SPEG: variants seen among roughly 807,000 people sequenced by gnomAD.
The protein encoded by SPEG is striated muscle enriched protein kinase.
SPEG carries 114 observed loss-of-function variants against 300.4 expected under a neutral mutation model. The ratio of observed to expected loss-of-function variants is 0.38; its 90% CI spans 0.33 to 0.44. The LOEUF (loss-of-function observed/expected upper bound fraction) is 0.44. Among genes scored for constraint, SPEG ranks in the 20% least tolerant of loss-of-function variants. The probability of loss-of-function intolerance (pLI) is 1.00; values close to 1 mark genes in which losing one functional copy is unlikely to be tolerated. For missense variants in SPEG, 4,201 were observed against 4,586.2 expected (o/e 0.92, Z 2.43); for synonymous variants, 1,964 against 2,018.9 (o/e 0.97, Z 0.73).
chr2:219,460,580 C>T (rs1690583371), intron 6 of SPEG: 1 of 985,450 alleles, frequency 1.0e-6, no homozygotes, highest in South Asian at 4.7e-5. Flanking sequence ...TTGTCAGGGT[C>T]TGAAGCTGTA....
At chr2:219,465,914 T>C (rs980535515) in intron 9 of SPEG, 42 of 677,384 alleles carry the variant, frequency 6.2e-5, no homozygotes, top group African/African-American at 3.2e-4. Context: ...TGTGCATGCG[T>C]GTGTGTGTGC....
Position 219,443,401 on chromosome 2 carries a change from G to C in SPEG, c.389-1252G>C. ...CTGGGTGCCCTGTTCTCCATGTGAG[G>C]CCTAATGGGAAGGAGTTCATTGCCA... On this transcript the variant is annotated intron_variant, in intron 1 of 40. Transcript: ENST00000312358. The surrounding 1 kb of genome is among the most constrained non-coding windows in gnomAD (Gnocchi z 4.6). 1 of 551,894 alleles carries C rather than the reference G, an allele frequency of 1.8e-6. No homozygotes were observed. The highest frequency in any genetic ancestry group is 3.2e-6 in the Non-Finnish European group (1 of 308,030). 34.2% of individuals were successfully genotyped at this position (551,894 alleles called of 1,614,324 possible).
rs768300296 is a variant in SPEG at position 219,489,857 on chromosome 2, C to G, written c.8839C>G (p.Arg2947Gly). ...GGTCAGCTCCCCTGGGAGCAGTCCCCGAAGCTCTCCCAGGCCTGAGGGTAC... is the reference window on the plus strand; with the variant it reads ...GGTCAGCTCCCCTGGGAGCAGTCCCGGAAGCTCTCCCAGGCCTGAGGGTAC... ...EVVSSPGSSP[R>G]SSPRPEGTTL... is the part of the protein sequence containing the mutation. The change falls in exon 36 of 41, where the codon CGA becomes GGA. Residue 2947 changes from arginine (R) to glycine (G), a missense_variant. This residue lies in a region of SPEG where 1,578 missense variants were observed against 1,506.0 expected (regional missense o/e 1.05). Coordinates refer to ENST00000312358, the MANE Select transcript of SPEG (RefSeq NM_005876.5). The G allele has an allele frequency of 9.3e-6, 15 of 1,612,050 alleles. No individual in the cohort carries two copies. Among genetic ancestry groups the G allele is most frequent in the Non-Finnish European group, 1.3e-5 (15 of 1,178,890 alleles).
chr2:219,449,535 T>C (rs1042997102), intron 4 of SPEG, among the ~76,000 whole-genome samples: 1 of 152,152 alleles, frequency 6.6e-6, no homozygotes, highest in African/African-American at 2.4e-5. Flanking sequence ...AGATGTGAGC[T>C]AAGACTGGTG....
At chr2:219,488,365 A>C in intron 32 of SPEG, 55 bp downstream of exon 32, 1 of 1,510,214 alleles carries the variant, frequency 6.6e-7, no homozygotes, top group Non-Finnish European at 9.1e-7. Flanking sequence ...CCCTGAGCCC[A>C]GGGGATGGGA....
chr2:219,443,227 G>T lies in SPEG; in HGVS notation c.389-1426G>T. On this transcript the variant is annotated intron_variant, in intron 1 of 40. Transcript: ENST00000312358. This position sits in a 1 kb window ranked among gnomAD's most constrained non-coding sequence, Gnocchi z 4.6. ...GGTCCCTGTCCCTCTGTGAGGCATCGAGTTCCTGAAGACAGCCCATGAGAT... is the reference window on the plus strand; with the variant it reads ...GGTCCCTGTCCCTCTGTGAGGCATCTAGTTCCTGAAGACAGCCCATGAGAT... The T allele has an allele frequency of 7.0e-7, 1 of 1,425,622 alleles. No individual in the cohort carries two copies. The highest frequency in any genetic ancestry group is 1.1e-5 in the South Asian group (1 of 87,324). 88.3% of individuals were successfully genotyped at this position (1,425,622 alleles called of 1,614,324 possible). A position where few individuals can be genotyped will look rare whatever the true frequency, so the allele number is the denominator to read the frequency against.
intron 6 of SPEG, chr2:219,460,727 G>A: frequency 1.0e-6 from 1 of 982,144 alleles, no homozygotes; most frequent in Non-Finnish European, 1.2e-6. Flanking sequence ...GTCTCGGCAG[G>A]CACCACCTTC....
chr2:219,485,439 A>G lies in SPEG; in HGVS notation c.7703A>G (p.Gln2568Arg), dbSNP rs766431335. ...LSPPNLSASV[Q>R]EELGHQYVRS... ...CCACCAAACCTCTCTGCCAGCGTCC[A>G]GGAGGAGTTGGGTCACCAGTACGTG... Residue 2568 changes from glutamine (Q) to arginine (R), a missense_variant, in exon 31 of 41, where the codon CAG becomes CGG. Gln to Arg is a conservative substitution (Grantham distance 43). Around this residue, in one of 4 missense-constraint regions of SPEG, gnomAD observed 1,578 missense variants for 1,506.0 expected, o/e 1.05. Transcript: ENST00000312358. The G allele has an allele frequency of 3.7e-6, 6 of 1,603,186 alleles. No individual in the cohort carries two copies. The highest frequency in any genetic ancestry group is 3.4e-5 in the Admixed American group (2 of 58,726).
At position 219,444,621 on chromosome 2, in the gene SPEG, G is replaced by GGAGGA; in HGVS notation, c.389-31_389-30insAGGAG. 6.3e-7 allele frequency: 1 copy of GGAGGA among 1,585,602 alleles called. No individual in the cohort carries two copies. Among genetic ancestry groups the GGAGGA allele is most frequent in the Non-Finnish European group, 8.7e-7 (1 of 1,154,570 alleles). On this transcript the variant is annotated intron_variant, in intron 1 of 40. Coordinates refer to ENST00000312358, the MANE Select transcript of SPEG (RefSeq NM_005876.5). This position sits in a 1 kb window ranked among gnomAD's most constrained non-coding sequence, Gnocchi z 7.8. Reference sequence around the variant, plus strand: ...GAAGAGTTGGAGGCAGAGGGAGGAGGGCCCTGCCCACACAGACCCCTTCTT... The same window carrying GGAGGA: ...GAAGAGTTGGAGGCAGAGGGAGGAGGGAGGAGCCCTGCCCACACAGACCCCTTCTT...
Position 219,489,151 on chromosome 2 carries a change from C to T in SPEG, c.8247C>T (p.Ala2749=). Residue 2749 remains alanine, a synonymous_variant, in exon 35 of 41, where the codon GCC becomes GCT. Transcript: ENST00000312358. ...GCGTGACTGTGAGGTTCCGTGTGGC[C>T]TGTGCCAACCGTGCTGGGCAGGGGC... The part of the protein sequence containing the change: ...PVGVTVRFRV[A]CANRAGQGPF... 7 of 1,614,018 alleles carry T rather than the reference C, an allele frequency of 4.3e-6. No individual in the cohort carries two copies. The highest frequency in any genetic ancestry group is 5.9e-6 in the Non-Finnish European group (7 of 1,179,968).
intron 38 of SPEG, 132 bp from the exon 39 acceptor site, chr2:219,491,662 C>T: frequency 1.4e-6 from 1 of 725,840 alleles, no homozygotes; most frequent in Non-Finnish European, 2.4e-6. Flanking sequence ...CCTTCAGGGC[C>T]TGCCACTCTG....
At position 219,484,994 on chromosome 2, in the gene SPEG, T is replaced by C. The variant is rs772842111; in HGVS notation, c.7531T>C (p.Leu2511=). ...GCGCCTTGGCCTTCCGCACAACCAG[T>C]TGGCCGCCCAGGCCGGCGCCACCAC... The part of the protein sequence containing the change: ...LRRLGLPHNQ[L]AAQAGATTPS... Residue 2511 remains leucine, a synonymous_variant, in exon 30 of 41, where the codon TTG becomes CTG. Coordinates refer to ENST00000312358, the MANE Select transcript of SPEG (RefSeq NM_005876.5). 7 of 1,530,934 alleles carry C rather than the reference T, an allele frequency of 4.6e-6. No homozygotes were observed. Among genetic ancestry groups the C allele is most frequent in the African/African-American group, 2.8e-5 (2 of 72,692 alleles). 94.8% of individuals were successfully genotyped at this position (1,530,934 alleles called of 1,614,324 possible).
rs1044571218 is a variant in SPEG, at chr2:219,445,568, A to G, written c.815+407A>G. The G allele has an allele frequency of 4.0e-6, 1 of 247,326 alleles. No individual in the cohort carries two copies. The highest frequency in any genetic ancestry group is 2.3e-5 in the African/African-American group (1 of 43,632). 15.3% of individuals were successfully genotyped at this position (247,326 alleles called of 1,614,324 possible). ...CTGCTGCCTTTTCATCTCTCTGCAC[A>G]TTCCTGTTCCCATGTGGGCCTTTTT... On this transcript the variant is annotated intron_variant, in intron 3 of 40. Coordinates refer to ENST00000312358, the MANE Select transcript of SPEG (RefSeq NM_005876.5). This position sits in a 1 kb window ranked among gnomAD's most constrained non-coding sequence, Gnocchi z 6.1.
rs777001978 is a variant in SPEG, at chr2:219,483,355, G to A, written c.5892G>A (p.Glu1964=). The A allele has an allele frequency of 1.9e-6, 3 of 1,604,462 alleles. No individual in the cohort carries two copies. In the East Asian group the frequency reaches 6.7e-5, roughly 36 times the overall value. ...PTEDEALGTP[E]TGAATPMDWQ... is the part of the protein sequence containing the mutation. ...AGGATGAGGCCCTGGGGACCCCAGA[G>A]ACTGGGGCTGCCACCCCCATGGACT... Residue 1964 remains glutamate, a synonymous_variant, in exon 30 of 41, where the codon GAG becomes GAA. Transcript: ENST00000312358.
chr2:219,486,215 A>T (rs1477829810), intron 31 of SPEG, among the ~76,000 whole-genome samples: 1 of 152,198 alleles, frequency 6.6e-6, no homozygotes, highest in African/African-American at 2.4e-5. Context: ...GGCATTCCCC[A>T]TGTGGGGTCA....
Position 219,459,846 on chromosome 2 carries a change from C to T in SPEG, c.2441-2036C>T, listed in dbSNP as rs1690499485. ...CAAGACAGCCAGCCTGAACCGTGGG[C>T]CCCTCCTCTGCCCGGCCCCCAGCCC... On this transcript the variant is annotated intron_variant, in intron 6 of 40. Coordinates refer to ENST00000312358, the MANE Select transcript of SPEG (RefSeq NM_005876.5). The surrounding 1 kb of genome is among the most constrained non-coding windows in gnomAD (Gnocchi z 4.9). 6.6e-6 allele frequency among the ~76,000 whole-genome samples: 1 copy of T among 152,214 alleles called. No individual in the cohort carries two copies. The highest frequency in any genetic ancestry group is 1.5e-5 in the Non-Finnish European group (1 of 68,034).
chr2:219,492,605 C>T lies in SPEG; in HGVS notation c.9623C>T (p.Ser3208Phe), dbSNP rs777098680. The T allele has an allele frequency of 3.1e-6, 5 of 1,609,426 alleles. No homozygotes were observed. Among genetic ancestry groups the T allele is most frequent in the Non-Finnish European group, 4.2e-6 (5 of 1,179,980 alleles). ...VLSVHPWSRP[S>F]LQDCLAHPWL... ...GCTCTGCCTGGCAGGAGCCGGCCCT[C>T]CCTGCAGGACTGCCTGGCCCACCCA... Residue 3208 changes from serine to phenylalanine, a missense_variant, in exon 41 of 41, where the codon TCC (serine) becomes TTC (phenylalanine). Physicochemically the swap from Ser to Phe is radical, Grantham distance 155. Around this residue, in one of 4 missense-constraint regions of SPEG, gnomAD observed 318 missense variants for 429.5 expected, o/e 0.74. Coordinates refer to ENST00000312358, the MANE Select transcript of SPEG (RefSeq NM_005876.5).
rs774365939 is a variant in SPEG, at chr2:219,483,229, G to C, written c.5766G>C (p.Ser1922=). 48 of 1,610,378 alleles carry C rather than the reference G, an allele frequency of 3.0e-5. No individual in the cohort carries two copies. Among genetic ancestry groups the C allele is most frequent in the South Asian group, 1.8e-4 (16 of 90,636 alleles). ...CCAGTGGGGGGCTCTCATCCTCCTC[G>C]GATTCTGAAGAGGAAGAGCTGGAAG... ...PPPSGGLSSS[S]DSEEEELEEL... is the part of the protein sequence containing the mutation. Residue 1922 remains serine, a synonymous_variant, in exon 30 of 41, where the codon TCG becomes TCC. Transcript: ENST00000312358.
rs750462636 is a variant in SPEG at position 219,483,954 on chromosome 2, C to G, written c.6491C>G (p.Ser2164Cys). 12 of 1,607,470 alleles carry G rather than the reference C, an allele frequency of 7.5e-6. No individual in the cohort carries two copies. The South Asian group carries it at 1.1e-4, about 15-fold the overall frequency. ...ARLGARRLQE[S>C]PSLSALSEAQ... ...CTTGGGGCCCGTAGGCTACAGGAGT[C>G]TCCTTCCCTGTCTGCCCTCAGCGAG... Residue 2164 changes from serine (S) to cysteine (C), a missense_variant, in exon 30 of 41, where the codon TCT (serine) becomes TGT (cysteine). Physicochemically the swap from Ser to Cys is moderately radical, Grantham distance 112. Coordinates refer to ENST00000312358, the MANE Select transcript of SPEG (RefSeq NM_005876.5).
Sources: allele counts gnomAD v4.1 joint callset (sites outside exome capture counted in the v4.1 genomes callset), GRCh38; gene constraint gnomAD v4.1.1; regional missense constraint gnomAD v4.1.1; non-coding constraint Gnocchi (gnomAD v3.1); transcripts MANE v1.5; gene names NCBI Gene and HGNC (gene_info 2026-07-23, HGNC 2026-07-21).